The following SGCZ variants were observed in gnomAD, a reference collection of about 807,000 sequenced individuals.
SGCZ encodes sarcoglycan zeta, also known as zeta-sarcoglycan.
Under a neutral mutation model 41.3 loss-of-function variants are expected in SGCZ, and 40 were observed. That is an observed-to-expected ratio of 0.97 (90% CI 0.75 to 1.26). SGCZ has a LOEUF of 1.26. Among genes scored for constraint, SGCZ ranks in the 50% most tolerant of loss-of-function variants. The pLI, the probability that SGCZ is intolerant of heterozygous loss-of-function variation, is 0.00. For synonymous variants in SGCZ, 206 were observed against 137.5 expected, an observed-to-expected ratio of 1.50 and a Z score of -3.49; for missense variants, 552 against 369.8, an observed-to-expected ratio of 1.49 and a Z score of -4.04.
chr8:14,375,711 T>C (rs1003365829), intron 2 of SGCZ, among the ~76,000 whole-genome samples: 2 of 152,080 alleles, frequency 1.3e-5, no homozygotes, highest in South Asian at 4.1e-4. Flanking sequence ...ATGGGAAACA[T>C]TTAAAGCACT....
At chr8:14,620,768 T>A (rs1006544911) in intron 1 of SGCZ, among the ~76,000 whole-genome samples, 9 of 152,082 alleles carry the variant, frequency 5.9e-5, no homozygotes, top group African/African-American at 2.2e-4. Flanking sequence ...AGAACGGCGA[T>A]CATTAAAAAG....
At chr8:14,776,004 C>G (rs958091620) in intron 1 of SGCZ, among the ~76,000 whole-genome samples, 1 of 152,064 alleles carries the variant, frequency 6.6e-6, no homozygotes, top group African/African-American at 2.4e-5. Context: ...ACAGAAACGT[C>G]ATCACATGTA....
At chr8:14,715,100 A>G (rs1227965996) in intron 1 of SGCZ, among the ~76,000 whole-genome samples, 1 of 152,204 alleles carries the variant, frequency 6.6e-6, no homozygotes, top group East Asian at 1.9e-4. Context: ...AAGGGAAAAG[A>G]ACACTTGTCT....
At chr8:14,233,424 T>C (rs933282556) in intron 4 of SGCZ, among the ~76,000 whole-genome samples, 1 of 151,392 alleles carries the variant, frequency 6.6e-6, no homozygotes, top group Admixed American at 6.6e-5. Flanking sequence ...TGTAATGTTA[T>C]TGATAAATAA....
chr8:14,319,930 A>G (rs1801860077), intron 3 of SGCZ, among the ~76,000 whole-genome samples: 1 of 152,028 alleles, frequency 6.6e-6, no homozygotes, highest in Non-Finnish European at 1.5e-5. Flanking sequence ...GACAAGTTTT[A>G]TTTTAAAAAG....
Position 14,146,861 on chromosome 8 carries a change from G to A in SGCZ, c.547+17719C>T, listed in dbSNP as rs1325655285. ...CACTCCAGCCTGGGCGACAGAGCGA[G>A]ACTCCGTCTCAAAAAATAAAAATAA... On this transcript the variant is annotated intron_variant, in intron 5 of 7. Transcript: ENST00000382080. Among the ~76,000 whole-genome samples the A allele has an allele frequency of 2.7e-5, 3 of 111,328 alleles. 1 individual carries two copies. The highest frequency in any genetic ancestry group is 1.2e-4 in the African/African-American group (3 of 25,948). 73.0% of individuals were successfully genotyped at this position (111,328 alleles called of 152,430 possible). A position where few individuals can be genotyped will look rare whatever the true frequency, so the allele number is the denominator to read the frequency against.
At chr8:15,215,117 A>C (rs1801357917) in intron 1 of SGCZ, among the ~76,000 whole-genome samples, 1 of 152,336 alleles carries the variant, frequency 6.6e-6, no homozygotes, top group Non-Finnish European at 1.5e-5. Context: ...CTGAATATGT[A>C]AAACAGTACA....
At chr8:14,218,476 A>G (rs982822369) in intron 4 of SGCZ, among the ~76,000 whole-genome samples, 5 of 152,230 alleles carry the variant, frequency 3.3e-5, no homozygotes, top group African/African-American at 1.2e-4. Context: ...AGAAAACTCA[A>G]TCTTGTAAAG....
At chr8:14,804,644 G>C (rs113182080) in intron 1 of SGCZ, among the ~76,000 whole-genome samples, 3,575 of 145,220 alleles carry the variant, frequency 0.025, 70 homozygotes, top group Non-Finnish European at 0.036. Context: ...AACCAAGTTG[G>C]AAAACACTCT....
chr8:14,232,265 C>T (rs927967629), intron 4 of SGCZ, among the ~76,000 whole-genome samples: 14 of 151,908 alleles, frequency 9.2e-5, no homozygotes, highest in Non-Finnish European at 1.5e-4. Context: ...TCTCTACTTC[C>T]TGACTTCATA....
rs557983261 is a variant in SGCZ at position 15,053,549 on chromosome 8, G to A, written c.39+184036C>T. Among the ~76,000 whole-genome samples, 12 of 152,154 alleles carry A rather than the reference G, an allele frequency of 7.9e-5. 1 individual carries two copies. In the South Asian group the frequency reaches 2.3e-3, roughly 29 times the overall value. On this transcript the variant is annotated intron_variant, in intron 1 of 7. Transcript: ENST00000382080. ...GAGAACCACAATTAACTAAGAGCAG[G>A]CTAATAAGAGTAATTAGGTGAAAAA...
rs138692161 is a variant in SGCZ at position 14,576,919 on chromosome 8, A to C, written c.40-21993T>G. 3.2e-3 allele frequency among the ~76,000 whole-genome samples: 483 copies of C among 152,358 alleles called. 3 individuals are homozygous for C. The highest frequency in any genetic ancestry group is 0.011 in the African/African-American group (463 of 41,586). ...GAAAGTGATGAATCATTCATGCTCA[A>C]TTTGATTACCCGTGAGGACATTCAT... On this transcript the variant is annotated intron_variant, in intron 1 of 7. Coordinates refer to ENST00000382080, the MANE Select transcript of SGCZ (RefSeq NM_139167.4).
intron 1 of SGCZ, among the ~76,000 whole-genome samples, chr8:14,761,534 TATTTA>T (rs1563251936): frequency 4.3e-5 from 6 of 140,148 alleles, no homozygotes; most frequent in Non-Finnish European, 6.1e-5. Flanking sequence ...TTTATTTATT[TATTTA>T]TTTTTTTTTT....
intron 2 of SGCZ, among the ~76,000 whole-genome samples, chr8:14,527,514 A>G (rs1172792165): frequency 1.3e-5 from 2 of 151,930 alleles, no homozygotes; most frequent in African/African-American, 4.8e-5. Context: ...TATTTTGCCC[A>G]GGGTGAGTAA....
At chr8:14,932,693 C>T (rs1402334332) in intron 1 of SGCZ, among the ~76,000 whole-genome samples, 2 of 151,986 alleles carry the variant, frequency 1.3e-5, no homozygotes, top group African/African-American at 4.8e-5. Context: ...CAACAGAGAG[C>T]CCACATGACC....
chr8:15,008,760 G>A (rs1272887048), intron 1 of SGCZ, among the ~76,000 whole-genome samples: 1 of 52,884 alleles, frequency 1.9e-5, no homozygotes, highest in African/African-American at 7.1e-5. Flanking sequence ...GGGGGAGGAG[G>A]GAGGGACGGA....
intron 5 of SGCZ, among the ~76,000 whole-genome samples, chr8:14,154,374 TAAAC>T (rs1803812862): frequency 9.7e-6 from 1 of 103,560 alleles, no homozygotes; most frequent in African/African-American, 3.8e-5. Flanking sequence ...GTTTCAAAAA[TAAAC>T]AAACAGCAAC....
intron 1 of SGCZ, among the ~76,000 whole-genome samples, chr8:14,675,272 G>C (rs543349604): frequency 6.6e-6 from 1 of 151,878 alleles, no homozygotes; most frequent in Non-Finnish European, 1.5e-5. Context: ...CCCAGTCTCA[G>C]GTATTTATTT....
At chr8:14,579,768 A>G (rs1742535813) in intron 1 of SGCZ, among the ~76,000 whole-genome samples, 1 of 152,174 alleles carries the variant, frequency 6.6e-6, no homozygotes, top group South Asian at 2.1e-4. Context: ...TACCATAACA[A>G]GTACATGAGT....
Sources: allele counts gnomAD v4.1 joint callset (sites outside exome capture counted in the v4.1 genomes callset), GRCh38; gene constraint gnomAD v4.1.1; transcripts MANE v1.5; gene names NCBI Gene and HGNC (gene_info 2026-07-23, HGNC 2026-07-21).